The following SAMTOR variants were observed in gnomAD, a reference collection of about 807,000 sequenced individuals.
SAMTOR encodes S-adenosylmethionine sensor upstream of mTORC1.
chr7:112,875,013 G>A, the SAMTOR span, among the ~76,000 whole-genome samples: 1 of 152,148 alleles, frequency 6.6e-6, no homozygotes, highest in Non-Finnish European at 1.5e-5. Flanking sequence ...GGAAAGAAGT[G>A]GATGCTGCAT....
chr7:112,849,047 T>TAA, the SAMTOR span, among the ~76,000 whole-genome samples: 3,538 of 137,738 alleles, frequency 0.026, 140 homozygotes, highest in African/African-American at 0.083. Context: ...AGACTCCATC[T>TAA]AAAAAAAAAA....
At chr7:112,909,785 AGTT>A in the SAMTOR span, among the ~76,000 whole-genome samples, 1 of 151,930 alleles carries the variant, frequency 6.6e-6, no homozygotes, top group Non-Finnish European at 1.5e-5. Flanking sequence ...TATAAAACAA[AGTT>A]GTTAAGCAAA....
chr7:112,850,526 T>C, the SAMTOR span, among the ~76,000 whole-genome samples: 1 of 152,204 alleles, frequency 6.6e-6, no homozygotes, highest in Non-Finnish European at 1.5e-5. Context: ...AACTTGGTCC[T>C]TGGCTTTTTG....
the SAMTOR span, among the ~76,000 whole-genome samples, chr7:112,894,195 AAGAGTGGGG>A: frequency 2.0e-5 from 3 of 149,530 alleles, no homozygotes; most frequent in Admixed American, 2.0e-4. Flanking sequence ...GGGGAGAGGG[AAGAGTGGGG>A]AGAGAGGAGA....
chr7:112,863,558 A>T, the SAMTOR span, among the ~76,000 whole-genome samples: 1 of 152,248 alleles, frequency 6.6e-6, no homozygotes, highest in African/African-American at 2.4e-5. Context: ...AGTATCCAGC[A>T]TCTACAACGA....
At chr7:112,845,316 G>A in the SAMTOR span, among the ~76,000 whole-genome samples, 1 of 152,078 alleles carries the variant, frequency 6.6e-6, no homozygotes, top group South Asian at 2.1e-4. Flanking sequence ...GCTATAGAAT[G>A]GGAGAAAATA....
the SAMTOR span, among the ~76,000 whole-genome samples, chr7:112,911,272 C>T: frequency 6.6e-6 from 1 of 152,102 alleles, no homozygotes; most frequent in African/African-American, 2.4e-5. Context: ...AAACATTAGG[C>T]TTATGTCCTG....
At chr7:112,914,880 T>C in the SAMTOR span, among the ~76,000 whole-genome samples, 3 of 152,204 alleles carry the variant, frequency 2.0e-5, no homozygotes, top group Admixed American at 6.5e-5. Flanking sequence ...TTAAAAGACA[T>C]GATCTCTTTC....
chr7:112,912,723 C>CT, the SAMTOR span, among the ~76,000 whole-genome samples: 5 of 151,580 alleles, frequency 3.3e-5, no homozygotes, highest in Admixed American at 6.6e-5. Flanking sequence ...TGCCACTGTT[C>CT]TTTTTTTAAC....
chr7:112,891,261 A>T, the SAMTOR span, among the ~76,000 whole-genome samples: 1 of 152,360 alleles, frequency 6.6e-6, no homozygotes, highest in Non-Finnish European at 1.5e-5. Flanking sequence ...TATGCATTAT[A>T]AGCTTTGTAG....
At chr7:112,867,319 C>T in the SAMTOR span, among the ~76,000 whole-genome samples, 3 of 152,156 alleles carry the variant, frequency 2.0e-5, no homozygotes, top group Admixed American at 2.0e-4. Context: ...CAATCGTGTA[C>T]TCAATTTTAT....
the SAMTOR span, among the ~76,000 whole-genome samples, chr7:112,918,907 A>C: frequency 6.6e-6 from 1 of 152,212 alleles, no homozygotes; most frequent in Non-Finnish European, 1.5e-5. Context: ...ACTGTCCTAA[A>C]TGTATATGCA....
At chr7:112,878,617 G>C in the SAMTOR span, among the ~76,000 whole-genome samples, 1,617 of 152,254 alleles carry the variant, frequency 0.011, 30 homozygotes, top group African/African-American at 0.037. Context: ...TAAGTAATGG[G>C]TTGTAAAAGG....
At chr7:112,921,019 G>A in the SAMTOR span, among the ~76,000 whole-genome samples, 3 of 152,132 alleles carry the variant, frequency 2.0e-5, no homozygotes, top group Non-Finnish European at 4.4e-5. Context: ...TGGCCATATT[G>A]CCCAAGGTAA....
chr7:112,866,973 T>C, the SAMTOR span, among the ~76,000 whole-genome samples: 2 of 152,212 alleles, frequency 1.3e-5, no homozygotes, highest in African/African-American at 2.4e-5. Context: ...AAATACCAGA[T>C]GAAGGAATTT....
the SAMTOR span, among the ~76,000 whole-genome samples, chr7:112,902,317 CT>C: frequency 6.7e-6 from 1 of 149,704 alleles, no homozygotes; most frequent in Non-Finnish European, 1.5e-5. Flanking sequence ...AGGAAAATTG[CT>C]TGAACCGGGA....
At chr7:112,882,766 T>TAAAAA in the SAMTOR span, among the ~76,000 whole-genome samples, 6 of 120,656 alleles carry the variant, frequency 5.0e-5, no homozygotes, top group Non-Finnish European at 7.1e-5. Context: ...CATCTTTTTT[T>TAAAAA]AAAAAAAAAA....
At chr7:112,910,627 G>A in the SAMTOR span, among the ~76,000 whole-genome samples, 1 of 152,106 alleles carries the variant, frequency 6.6e-6, no homozygotes, top group South Asian at 2.1e-4. Flanking sequence ...ATAACATTTA[G>A]TATCTCTAAT....
chr7:112,890,670 C>T, the SAMTOR span, among the ~76,000 whole-genome samples: 1 of 150,290 alleles, frequency 6.7e-6, no homozygotes, highest in South Asian at 2.1e-4. Flanking sequence ...AAAAAGTATA[C>T]ATATATACAT....
Sources: gnomAD v4.1 joint callset for allele counts (sites outside exome capture counted in the v4.1 genomes callset) on GRCh38, gnomAD v4.1.1 for gene constraint, MANE v1.5 for transcripts, NCBI Gene and HGNC (gene_info 2026-07-23, HGNC 2026-07-21) for gene names.